Variants in ZC3H12B observed in about 807,000 individuals in gnomAD.
ZC3H12B encodes probable ribonuclease ZC3H12B.
A neutral mutation model predicts 43.9 loss-of-function variants in ZC3H12B; 7 were observed. The observed-to-expected ratio is 0.16, with a 90% CI of 0.09 to 0.30. The LOEUF is 0.30. ZC3H12B is among the 10% of genes least tolerant of loss of function. ZC3H12B has a pLI of 1.00. For synonymous variants in ZC3H12B, 222 were observed against 241.7 expected (o/e 0.92, Z 0.76); for missense variants, 475 against 670.2 (o/e 0.71, Z 3.22).
At chrX:65,211,936 G>T in the ZC3H12B span, among the ~76,000 whole-genome samples, 3 of 63,135 alleles carry the variant, frequency 4.8e-5, no homozygotes. Context: ...TATAATATAT[G>T]TTATGTATAC....
intron 3 of ZC3H12B, among the ~76,000 whole-genome samples, chrX:65,461,904 A>T (rs1188959872): frequency 1.8e-5 from 2 of 110,945 alleles, no homozygotes; most frequent in East Asian, 2.8e-4. Context: ...ATTTTAAAAA[A>T]AGAATAATCT....
chrX:65,420,445 G>A (rs970469558), intron 3 of ZC3H12B, among the ~76,000 whole-genome samples: 1 of 112,324 alleles, frequency 8.9e-6, no homozygotes, highest in Non-Finnish European at 1.9e-5. Context: ...CCAGAATCTG[G>A]ATGGGCAGAT....
At chrX:65,101,695 A>T in the ZC3H12B span, among the ~76,000 whole-genome samples, 157 of 112,089 alleles carry the variant, frequency 1.4e-3, no homozygotes, top group African/African-American at 4.9e-3. Context: ...AACCAAAAAG[A>T]AGTCAAATCC....
At chrX:65,312,615 G>A in the ZC3H12B span, among the ~76,000 whole-genome samples, 1 of 111,468 alleles carries the variant, frequency 9.0e-6, no homozygotes, top group Non-Finnish European at 1.9e-5. Flanking sequence ...CATAAACTAG[G>A]TAGTTTATAA....
At chrX:65,381,310 C>G (rs1406426176) in intron 2 of ZC3H12B, among the ~76,000 whole-genome samples, 1 of 111,322 alleles carries the variant, frequency 9.0e-6, no homozygotes, top group Non-Finnish European at 1.9e-5. Flanking sequence ...CACTCAAAAC[C>G]GCTCAACTAC....
chrX:65,363,606 T>C (rs1328561749), upstream of ZC3H12B, among the ~76,000 whole-genome samples: 7 of 111,884 alleles, frequency 6.3e-5, no homozygotes, highest in East Asian at 2.0e-3. Flanking sequence ...TAGCTCTCCC[T>C]GACTCATCCC....
the ZC3H12B span, among the ~76,000 whole-genome samples, chrX:65,346,240 C>A: frequency 1.9e-5 from 2 of 103,413 alleles, no homozygotes; most frequent in Non-Finnish European, 2.0e-5. Flanking sequence ...CTACAGTAAC[C>A]AAAACAGAAT....
At chrX:65,367,444 G>C (rs768709645) in intron 1 of ZC3H12B, among the ~76,000 whole-genome samples, 1 of 111,460 alleles carries the variant, frequency 9.0e-6, no homozygotes, top group Admixed American at 9.6e-5. Flanking sequence ...ATCTAATAGA[G>C]AGTTATGAGT....
At chrX:65,406,617 C>CG (rs1476897634) in intron 3 of ZC3H12B, among the ~76,000 whole-genome samples, 27 of 6,605 alleles carry the variant, frequency 4.1e-3, no homozygotes, top group Admixed American at 0.013. Flanking sequence ...CGGGGCTGGG[C>CG]GGGACTGGGC....
chrX:65,108,476 G>A, the ZC3H12B span, among the ~76,000 whole-genome samples: 10 of 108,576 alleles, frequency 9.2e-5, no homozygotes, highest in Non-Finnish European at 3.8e-5. Flanking sequence ...GTAGGCCAAC[G>A]CAGGGCCAGG....
chrX:65,048,367 A>G, the ZC3H12B span, among the ~76,000 whole-genome samples: 1 of 111,660 alleles, frequency 9.0e-6, no homozygotes, highest in African/African-American at 3.2e-5. Context: ...TAATGCTACA[A>G]TGAAGATAGG....
chrX:65,263,146 G>T, the ZC3H12B span, among the ~76,000 whole-genome samples: 6 of 111,052 alleles, frequency 5.4e-5, no homozygotes, highest in Non-Finnish European at 7.6e-5. Context: ...TAAATAATAT[G>T]CATGAGGTTC....
the ZC3H12B span, among the ~76,000 whole-genome samples, chrX:65,117,347 A>C: frequency 8.9e-6 from 1 of 112,397 alleles, no homozygotes; most frequent in Admixed American, 9.4e-5. Flanking sequence ...TGTTGGCTGC[A>C]TAAAGGTCTT....
chrX:65,041,437 A>T, the ZC3H12B span, among the ~76,000 whole-genome samples: 1 of 112,031 alleles, frequency 8.9e-6, no homozygotes, highest in East Asian at 2.8e-4. Context: ...AGGGAGGAAC[A>T]TCTAGGTTTT....
the ZC3H12B span, among the ~76,000 whole-genome samples, chrX:65,144,790 C>A: frequency 9.0e-6 from 1 of 111,083 alleles, no homozygotes; most frequent in East Asian, 2.8e-4. Context: ...TTTGGAGGTT[C>A]CTTTTGGAGT....
At chrX:65,431,083 G>A (rs1450546900) in intron 3 of ZC3H12B, among the ~76,000 whole-genome samples, 5 of 112,434 alleles carry the variant, frequency 4.4e-5, no homozygotes, top group Non-Finnish European at 9.4e-5. Context: ...GGTAAGACAT[G>A]CACAGTGAAA....
At chrX:65,200,492 G>A in the ZC3H12B span, among the ~76,000 whole-genome samples, 3 of 98,447 alleles carry the variant, frequency 3.0e-5, no homozygotes, top group Middle Eastern at 0.01. Flanking sequence ...GAGTGTAGTG[G>A]CATCATCTCA....
the ZC3H12B span, among the ~76,000 whole-genome samples, chrX:65,107,599 A>G: frequency 1.8e-5 from 2 of 111,165 alleles, no homozygotes; most frequent in African/African-American, 3.3e-5. Flanking sequence ...CCATATCCCC[A>G]TGTGTCATGG....
the ZC3H12B span, among the ~76,000 whole-genome samples, chrX:65,249,169 G>C: frequency 9.0e-6 from 1 of 111,582 alleles, no homozygotes; most frequent in Admixed American, 9.5e-5. Flanking sequence ...CCAACATCTA[G>C]AAGGGGTTTT....
Sources: gnomAD v4.1 joint callset for allele counts (sites outside exome capture counted in the v4.1 genomes callset) on GRCh38, gnomAD v4.1.1 for gene constraint, MANE v1.5 for transcripts, NCBI Gene and HGNC (gene_info 2026-07-23, HGNC 2026-07-21) for gene names.